TRIM21: variants seen among roughly 807,000 people sequenced by gnomAD.
The protein encoded by TRIM21 is tripartite motif containing 21.
A neutral mutation model predicts 36.1 loss-of-function variants in TRIM21; 35 were observed. The ratio of observed to expected loss-of-function variants is 0.97; its 90% CI spans 0.74 to 1.28. The LOEUF is 1.28. Ranked by LOEUF, TRIM21 falls within the 50% of genes most tolerant of loss-of-function variation. The pLI, the probability that TRIM21 is intolerant of heterozygous loss-of-function variation, is 0.00. For synonymous variants in TRIM21, 256 were observed against 211.5 expected, an observed-to-expected ratio of 1.21 and a Z score of -1.83; for missense variants, 635 against 570.7, an observed-to-expected ratio of 1.11 and a Z score of -1.15.
intron 1 of TRIM21, among the ~76,000 whole-genome samples, chr11:4,391,047 A>G (rs1040481655): frequency 2.0e-5 from 3 of 152,258 alleles, no homozygotes; most frequent in Non-Finnish European, 4.4e-5. Context: ...CCACAAGCAC[A>G]GGCAGCCAAA....
chr11:4,386,039 C>T (rs138239786), intron 6 of TRIM21, 118 bp downstream of exon 6: 37,689 of 1,112,924 alleles, frequency 0.034, 744 homozygotes, highest in Non-Finnish European at 0.04. Flanking sequence ...TCCTTACCTC[C>T]ATCTCTGTTC....
rs1182634933 is a variant in TRIM21 at position 4,385,442 on chromosome 11, G to T, written c.1271C>A (p.Thr424Asn). The part of the protein sequence containing the change: ...EAGMVSFYNI[T>N]DHGSLIYSFS... ...GGAGTAGATGAGGGAGCCATGGTCA[G>T]TGATGTTGTAGAAGGAGACCATGCC... Residue 424 changes from threonine to asparagine, a missense_variant, in exon 7 of 7, where the codon ACT (threonine) becomes AAT (asparagine). Physicochemically the swap from Thr to Asn is moderately conservative, Grantham distance 65. Coordinates refer to ENST00000254436, the MANE Select transcript of TRIM21 (RefSeq NM_003141.4). The T allele has an allele frequency of 6.2e-7, 1 of 1,613,530 alleles. No individual in the cohort carries two copies. The highest frequency in any genetic ancestry group is 1.7e-5 in the Admixed American group (1 of 59,948).
chr11:4,389,540 G>C (rs979473545), intron 3 of TRIM21, 114 bp downstream of exon 3: 24 of 899,464 alleles, frequency 2.7e-5, no homozygotes, highest in Admixed American at 5.3e-5. Flanking sequence ...GAGTGAGACG[G>C]ACCAACTCTA....
Position 4,385,787 on chromosome 11 carries a change from A to C in TRIM21, c.926T>G (p.Val309Gly). ...WLILSEDRRQVRLGDTQQSIP... is the reference protein window; with the variant it reads ...WLILSEDRRQGRLGDTQQSIP... ...GCTCTGCTGGGTGTCTCCAAGCCTC[A>C]CTTGTCTCCGATCTTCTGAAAGTAT... Residue 309 changes from valine (V) to glycine (G), a missense_variant, in exon 7 of 7, where the codon GTG becomes GGG. By Grantham distance (109) the Val-to-Gly change is moderately radical (BLOSUM62 -3). Transcript: ENST00000254436. The C allele has an allele frequency of 6.2e-7, 1 of 1,613,538 alleles. No homozygotes were observed.
rs2094960395 is a variant in TRIM21 at position 4,389,692 on chromosome 11, A to C, written c.466T>G (p.Leu156Val). The change falls in exon 3 of 7, where the codon TTG becomes GTG. Residue 156 changes from leucine to valine, a missense_variant. Physicochemically the swap from Leu to Val is conservative, Grantham distance 32 (BLOSUM62 1). Coordinates refer to ENST00000254436, the MANE Select transcript of TRIM21 (RefSeq NM_003141.4). ...LRRKQELAEK[L>V]EVEIAIKRAD... ...CTCTTTATTGCAATTTCCACTTCCA[A>C]CTTCTCAGCCAACTCCTGCTTTCTT... 2.5e-6 allele frequency: 4 copies of C among 1,613,398 alleles called. No individual in the cohort carries two copies. The highest frequency in any genetic ancestry group is 1.7e-5 in the Admixed American group (1 of 59,946).
chr11:4,392,931 C>A (rs923636381), intron 1 of TRIM21, among the ~76,000 whole-genome samples: 1 of 152,118 alleles, frequency 6.6e-6, no homozygotes, highest in Non-Finnish European at 1.5e-5. Flanking sequence ...GCCAGAGATA[C>A]TTCATGCTTT....
rs755771107 is a variant in TRIM21, at chr11:4,385,385, C to T, written c.1328G>A (p.Arg443Gln). The change falls in exon 7 of 7, where the codon CGG becomes CAG. Residue 443 changes from arginine to glutamine, a missense_variant. Coordinates refer to ENST00000254436, the MANE Select transcript of TRIM21 (RefSeq NM_003141.4). ...FSECAFTGPL[R>Q]PFFSPGFNDG... The stretch of plus-strand genomic sequence containing the variant: ...ATTGAAACCAGGACTGAAGAAGGGC[C>T]GCAGAGGTCCTGTAAAGGCACATTC... The T allele has an allele frequency of 1.7e-5, 27 of 1,613,562 alleles. No homozygotes were observed. The highest frequency in any genetic ancestry group is 1.7e-4 in the Middle Eastern group (1 of 6,054).
Position 4,388,677 on chromosome 11 carries a change from G to GCACACACACA in TRIM21, c.505-157_505-148dup, listed in dbSNP as rs145832441. On this transcript the variant is annotated intron_variant, in intron 3 of 6. Coordinates refer to ENST00000254436, the MANE Select transcript of TRIM21 (RefSeq NM_003141.4). ...CACACACATGCACACGCACACGCGC[G>GCACACACACA]CACACACACACACACACAATTTTGC... 7 of 662,958 alleles carry GCACACACACA rather than the reference G, an allele frequency of 1.1e-5. No homozygotes were observed. The South Asian group carries it at 1.1e-4, about 11-fold the overall frequency. The allele number at this position is 662,958 out of a possible 1,614,324, so 41.1% of individuals were successfully genotyped here. A position where few individuals can be genotyped will look rare whatever the true frequency, so the allele number is the denominator to read the frequency against.
At chr11:4,385,919 G>A (rs1421055336) in intron 6 of TRIM21, 66 bp from the exon 7 acceptor site, 1 of 1,447,230 alleles carries the variant, frequency 6.9e-7, no homozygotes, top group Non-Finnish European at 9.3e-7. Context: ...GCCTGTGGTG[G>A]GGGGATTTTG....
intron 6 of TRIM21, 108 bp downstream of exon 6, chr11:4,386,049 C>T: frequency 4.3e-6 from 5 of 1,169,788 alleles, no homozygotes; most frequent in Non-Finnish European, 6.2e-6. Flanking sequence ...CATCTCTGTT[C>T]CCCCTGCTCT....
chr11:4,389,947 C>A, intron 2 of TRIM21, 55 bp downstream of exon 2: 2 of 1,590,078 alleles, frequency 1.3e-6, no homozygotes, highest in Non-Finnish European at 1.7e-6. Flanking sequence ...AGGTGGTCCT[C>A]TCCCATTCCC....
At chr11:4,391,145 G>A (rs1312680202) in intron 1 of TRIM21, among the ~76,000 whole-genome samples, 2 of 152,048 alleles carry the variant, frequency 1.3e-5, no homozygotes, top group East Asian at 3.9e-4. Context: ...ACAGCCCACA[G>A]AATTGGAGTA....
rs763724351 is a variant in TRIM21 at position 4,385,732 on chromosome 11, A to G, written c.981T>C (p.Ser327=). 6.2e-7 allele frequency: 1 copy of G among 1,613,284 alleles called. No homozygotes were observed. The highest frequency in any genetic ancestry group is 8.5e-7 in the Non-Finnish European group (1 of 1,179,676). ...GCTGGGCACCCAGGACCATAGGATA[A>G]CTATCAAATCTCTCTTCATTTCCAG... ...SIPGNEERFD[S]YPMVLGAQHF... is the part of the protein sequence containing the mutation. Residue 327 remains serine (S), a synonymous_variant, in exon 7 of 7, where the codon AGT becomes AGC. Coordinates refer to ENST00000254436, the MANE Select transcript of TRIM21 (RefSeq NM_003141.4).
At chr11:4,386,097 C>T (rs2094956029) in intron 6 of TRIM21, 60 bp downstream of exon 6, 1 of 1,526,632 alleles carries the variant, frequency 6.6e-7, no homozygotes, top group Admixed American at 1.7e-5. Flanking sequence ...ATCCAGGCTC[C>T]CTGACCCTGG....
chr11:4,387,220 T>C (rs1554891699), intron 4 of TRIM21, among the ~76,000 whole-genome samples: 1 of 151,060 alleles, frequency 6.6e-6, no homozygotes, highest in Non-Finnish European at 1.5e-5. Flanking sequence ...AGGGAAGGGT[T>C]ATCAGTTTCA....
chr11:4,392,884 G>C (rs1590839080), intron 1 of TRIM21, among the ~76,000 whole-genome samples: 1 of 152,186 alleles, frequency 6.6e-6, no homozygotes, highest in African/African-American at 2.4e-5. Flanking sequence ...ATGTTGCTGA[G>C]AAATTATAGC....
chr11:4,392,268 TAAG>T (rs1253117082), intron 1 of TRIM21, among the ~76,000 whole-genome samples: 1 of 151,474 alleles, frequency 6.6e-6, no homozygotes, highest in African/African-American at 2.4e-5. Context: ...AAATAAAAAA[TAAG>T]AATAAAAATA....
chr11:4,392,490 C>T (rs2094964149), intron 1 of TRIM21, among the ~76,000 whole-genome samples: 1 of 151,934 alleles, frequency 6.6e-6, no homozygotes, highest in South Asian at 2.1e-4. Flanking sequence ...TTGCTTGAAC[C>T]TGGGAGGCAG....
rs1456882928 is a variant in TRIM21 at position 4,388,504 on chromosome 11, C to T, written c.531G>A (p.Arg177=). Residue 177 remains arginine (R), a synonymous_variant, in exon 4 of 7, where the codon AGG becomes AGA. Transcript: ENST00000254436. ...WKKTVETQKS[R]IHAEFVQQKN... ...TTTGCTGCACAAACTCTGCGTGAATCCTAGATTTCTGTGTTTCCACTGTTT... is the reference window on the plus strand; with the variant it reads ...TTTGCTGCACAAACTCTGCGTGAATTCTAGATTTCTGTGTTTCCACTGTTT... 1.9e-6 allele frequency: 3 copies of T among 1,610,814 alleles called. No homozygotes were observed. The highest frequency in any genetic ancestry group is 1.7e-6 in the Non-Finnish European group (2 of 1,179,868).
Sources: allele counts gnomAD v4.1 joint callset (sites outside exome capture counted in the v4.1 genomes callset), GRCh38; gene constraint gnomAD v4.1.1; transcripts MANE v1.5; gene names NCBI Gene and HGNC (gene_info 2026-07-23, HGNC 2026-07-21).